Variants in KAZN observed in about 807,000 individuals in gnomAD.
KAZN encodes the protein kazrin, periplakin interacting protein, also known as kazrin.
Under a neutral mutation model 87.4 loss-of-function variants are expected in KAZN, and 40 were observed. That is an observed-to-expected ratio of 0.46 (90% CI 0.36 to 0.60). KAZN has a LOEUF of 0.60. KAZN is among the 20% of genes least tolerant of loss of function. KAZN has a pLI of 0.00. For missense variants in KAZN, 898 were observed against 1,073.9 expected, an observed-to-expected ratio of 0.84 and a Z score of 2.29; for synonymous variants, 466 against 458.3, an observed-to-expected ratio of 1.02 and a Z score of -0.22.
chr1:14,889,838 G>C (rs2101152232), intron 1 of KAZN, among the ~76,000 whole-genome samples: 1 of 152,364 alleles, frequency 6.6e-6, no homozygotes, highest in Middle Eastern at 3.4e-3. Context: ...TTTATGAGCA[G>C]TTGGGACAGA....
chr1:13,985,005 A>G (rs1638942059), intron 1 of KAZN, among the ~76,000 whole-genome samples: 1 of 152,182 alleles, frequency 6.6e-6, no homozygotes, highest in South Asian at 2.1e-4. Context: ...AATTAACTAT[A>G]GGATAGGAGA....
At chr1:14,798,416 CTTTTTTTTTTTTTTTT>C (rs545959773) in intron 1 of KAZN, among the ~76,000 whole-genome samples, 3 of 88,152 alleles carry the variant, frequency 3.4e-5, no homozygotes, top group Admixed American at 3.1e-4. Context: ...TGTTTCTTTC[CTTTTTTTTTTTTTTTT>C]TTTTTTTTTT....
intron 2 of KAZN, among the ~76,000 whole-genome samples, chr1:14,390,271 T>C (rs2101086509): frequency 6.6e-6 from 1 of 152,328 alleles, no homozygotes; most frequent in African/African-American, 2.4e-5. Flanking sequence ...CTTGTACATC[T>C]GGAGCTTATA....
At chr1:14,811,770 T>C (rs1207188476) in intron 1 of KAZN, among the ~76,000 whole-genome samples, 2 of 152,254 alleles carry the variant, frequency 1.3e-5, no homozygotes. Flanking sequence ...CAAATGATAG[T>C]GCATGTTATA....
At chr1:14,896,866 G>T (rs967611324) in intron 1 of KAZN, among the ~76,000 whole-genome samples, 1 of 152,140 alleles carries the variant, frequency 6.6e-6, no homozygotes, top group African/African-American at 2.4e-5. Flanking sequence ...GGTGCAAAGA[G>T]ACCTGGGTTT....
intron 2 of KAZN, among the ~76,000 whole-genome samples, chr1:14,998,484 T>G (rs767482079): frequency 6.6e-6 from 1 of 152,180 alleles, no homozygotes; most frequent in Non-Finnish European, 1.5e-5. Context: ...CTACCTGAAT[T>G]AACTCATTCA....
intron 2 of KAZN, among the ~76,000 whole-genome samples, chr1:14,301,725 G>T (rs1654566946): frequency 6.6e-6 from 1 of 152,180 alleles, no homozygotes; most frequent in Non-Finnish European, 1.5e-5. Context: ...GAAGACATTT[G>T]GCAGGCATTC....
chr1:14,252,074 G>A (rs1650098283), intron 2 of KAZN, among the ~76,000 whole-genome samples: 1 of 152,190 alleles, frequency 6.6e-6, no homozygotes, highest in African/African-American at 2.4e-5. Context: ...ATGCTCAGCA[G>A]TGAGAGGAAA....
At chr1:15,082,931 C>T (rs12037863) in intron 8 of KAZN, among the ~76,000 whole-genome samples, 34,550 of 151,998 alleles carry the variant, frequency 0.23, 5,638 homozygotes, top group East Asian at 0.66. Flanking sequence ...TTCAATTGAC[C>T]TACCTCTGCA....
At chr1:14,547,882 A>G (rs1350022989) in intron 2 of KAZN, among the ~76,000 whole-genome samples, 2 of 151,964 alleles carry the variant, frequency 1.3e-5, no homozygotes, top group Admixed American at 1.3e-4. Flanking sequence ...TACAAAAATG[A>G]ACAAAGAATA....
intron 2 of KAZN, among the ~76,000 whole-genome samples, chr1:14,400,522 T>C (rs1030487081): frequency 4.6e-5 from 7 of 152,274 alleles, no homozygotes; most frequent in African/African-American, 1.7e-4. Context: ...CTCCAGCTCT[T>C]ACCCAGCATC....
chr1:14,669,653 G>T (rs1639796703), intron 1 of KAZN, among the ~76,000 whole-genome samples: 1 of 152,126 alleles, frequency 6.6e-6, no homozygotes, highest in African/African-American at 2.4e-5. Flanking sequence ...AGGCTGGGAT[G>T]GGAGGATCGC....
chr1:14,897,399 C>A (rs895864890), intron 1 of KAZN, among the ~76,000 whole-genome samples: 3 of 152,194 alleles, frequency 2.0e-5, no homozygotes, highest in Admixed American at 2.0e-4. Context: ...CTTAAACCAG[C>A]AGTTCTCAGA....
At chr1:14,389,972 A>G (rs576582524) in intron 2 of KAZN, among the ~76,000 whole-genome samples, 1 of 152,326 alleles carries the variant, frequency 6.6e-6, no homozygotes, top group African/African-American at 2.4e-5. Context: ...CATGGACCCC[A>G]TAAATATACA....
chr1:14,171,904 C>T (rs867818139), intron 1 of KAZN, among the ~76,000 whole-genome samples: 35 of 152,170 alleles, frequency 2.3e-4, no homozygotes, highest in African/African-American at 8.0e-4. Flanking sequence ...CTTCTGAAAA[C>T]ATTAAGAAAT....
intron 2 of KAZN, among the ~76,000 whole-genome samples, chr1:14,506,178 G>A (rs139855832): frequency 6.6e-6 from 1 of 152,288 alleles, no homozygotes; most frequent in Non-Finnish European, 1.5e-5. Context: ...AGATAATGAT[G>A]TCTTTTTGTG....
intron 1 of KAZN, among the ~76,000 whole-genome samples, chr1:14,648,827 C>T (rs996957814): frequency 3.3e-5 from 5 of 152,178 alleles, no homozygotes; most frequent in Admixed American, 6.5e-5. Flanking sequence ...CCAGCCCCTC[C>T]CCTGGGTGAG....
chr1:14,169,709 A>T (rs183253529), intron 1 of KAZN, among the ~76,000 whole-genome samples: 29 of 152,322 alleles, frequency 1.9e-4, no homozygotes, highest in Non-Finnish European at 2.4e-4. Context: ...AATGATCGGG[A>T]TAATGATAGC....
intron 2 of KAZN, among the ~76,000 whole-genome samples, chr1:14,432,912 T>C (rs1666159546): frequency 6.6e-6 from 1 of 152,168 alleles, no homozygotes; most frequent in Non-Finnish European, 1.5e-5. Flanking sequence ...CTTATTCTTT[T>C]TTATGGCTGC....
Sources: gnomAD v4.1 joint callset for allele counts (sites outside exome capture counted in the v4.1 genomes callset) on GRCh38, gnomAD v4.1.1 for gene constraint, MANE v1.5 for transcripts, NCBI Gene and HGNC (gene_info 2026-07-23, HGNC 2026-07-21) for gene names.